PGLYRP2: variants seen among roughly 807,000 people sequenced by gnomAD.
PGLYRP2 encodes N-acetylmuramoyl-L-alanine amidase.
A neutral mutation model predicts 46.2 loss-of-function variants in PGLYRP2; 38 were observed. That is an observed-to-expected ratio of 0.82 (90% CI 0.64 to 1.08). PGLYRP2 has a LOEUF of 1.08. Among genes scored for constraint, PGLYRP2 ranks in the 50% least tolerant of loss-of-function variants. PGLYRP2 has a pLI of 0.00. For synonymous variants in PGLYRP2, 289 were observed against 329.4 expected, an observed-to-expected ratio of 0.88 and a Z score of 1.33; for missense variants, 713 against 755.9, an observed-to-expected ratio of 0.94 and a Z score of 0.67.
Position 15,475,664 on chromosome 19 carries a change from C to G in PGLYRP2, c.1006G>C (p.Val336Leu). The change falls in exon 2 of 5, where the codon GTG becomes CTG. Residue 336 changes from valine to leucine, a missense_variant. Val to Leu is a conservative substitution (Grantham distance 32, BLOSUM62 1). Transcript: ENST00000340880. ...LTSASILAQQ[V>L]WGTLVLLQRL... is the part of the protein sequence containing the mutation. ...TGTAGAAGGACAAGGGTTCCCCACA[C>G]CTGCTGGGCCAGGATGGAGGCTGAA... 6.2e-7 allele frequency: 1 copy of G among 1,614,188 alleles called. No individual in the cohort carries two copies. Among genetic ancestry groups the G allele is most frequent in the Non-Finnish European group, 8.5e-7 (1 of 1,180,028 alleles).
chr19:15,474,951 C>T (rs1472144747), intron 2 of PGLYRP2, among the ~76,000 whole-genome samples: 2 of 149,994 alleles, frequency 1.3e-5, no homozygotes, highest in Non-Finnish European at 3.0e-5. Context: ...CGTGCCACTG[C>T]ACTCCAGCCT....
intron 2 of PGLYRP2, among the ~76,000 whole-genome samples, chr19:15,473,017 A>C (rs1018013117): frequency 6.6e-6 from 1 of 152,294 alleles, no homozygotes; most frequent in Admixed American, 6.5e-5. Context: ...CCCAGAAGTA[A>C]AGCTGCACAC....
chr19:15,477,736 A>ATAAAATAAAG (rs1453922007), intron 1 of PGLYRP2, among the ~76,000 whole-genome samples: 2 of 151,412 alleles, frequency 1.3e-5, no homozygotes, highest in African/African-American at 4.8e-5. Context: ...TTAAAATAAA[A>ATAAAATAAAG]TAAAATAAAA....
chr19:15,479,050 A>G (rs560705988), intron 1 of PGLYRP2, among the ~76,000 whole-genome samples: 1 of 151,978 alleles, frequency 6.6e-6, no homozygotes, highest in Non-Finnish European at 1.5e-5. Context: ...CCCCCAAATC[A>G]TTTCTCTTTC....
In PGLYRP2 at chr19:15,476,543, C is replaced by A. The variant is rs764621893; in HGVS notation, c.127G>T (p.Ala43Ser). Reference protein sequence around the residue: ...ALAELEQKVPAAKTRHTASAW... With the variant: ...ALAELEQKVPSAKTRHTASAW... ...GAAGCTGTGTGTCTGGTCTTGGCAG[C>A]TGGCACTTTCTGCTCCAGCTCAGCC... Residue 43 changes from alanine (A) to serine (S), a missense_variant, in exon 2 of 5, where the codon GCT becomes TCT. Coordinates refer to ENST00000340880, the MANE Select transcript of PGLYRP2 (RefSeq NM_052890.4). The A allele has an allele frequency of 6.2e-7, 1 of 1,613,504 alleles. No homozygotes were observed. Among genetic ancestry groups the A allele is most frequent in the Non-Finnish European group, 8.5e-7 (1 of 1,179,746 alleles).
At chr19:15,472,140 T>C (rs753340337) in intron 2 of PGLYRP2, 40 bp from the exon 3 acceptor site, 2 of 1,526,182 alleles carry the variant, frequency 1.3e-6, no homozygotes, top group South Asian at 2.3e-5. Context: ...CAGGAACTGT[T>C]TCTCTGCCTG....
intron 1 of PGLYRP2, among the ~76,000 whole-genome samples, chr19:15,477,707 TAAA>T (rs1320390111): frequency 0.015 from 1,167 of 76,854 alleles, 12 homozygotes; most frequent in African/African-American, 0.046. Flanking sequence ...TAAAATAAAA[TAAA>T]TAAAATAAAA....
intron 3 of PGLYRP2, among the ~76,000 whole-genome samples, chr19:15,470,359 C>T (rs111682342): frequency 0.032 from 4,781 of 150,318 alleles, 266 homozygotes; most frequent in African/African-American, 0.11. Context: ...TGCAAGGGCG[C>T]GATCTCGGCT....
Position 15,476,352 on chromosome 19 carries a change from C to T in PGLYRP2, c.318G>A (p.Lys106=). Reference sequence around the variant, plus strand: ...CAGGTGCCAGCACCACCCCATATTCCTTCCCTTCTCGTACGTCATGTCGGG... The same window carrying T: ...CAGGTGCCAGCACCACCCCATATTCTTTCCCTTCTCGTACGTCATGTCGGG... ...EVARHDVREG[K]EYGVVLAPDG... The change falls in exon 2 of 5, where the codon AAG becomes AAA. Residue 106 remains lysine (K), a synonymous_variant. Coordinates refer to ENST00000340880, the MANE Select transcript of PGLYRP2 (RefSeq NM_052890.4). The T allele has an allele frequency of 6.2e-7, 1 of 1,614,172 alleles. No homozygotes were observed. The highest frequency in any genetic ancestry group is 8.5e-7 in the Non-Finnish European group (1 of 1,180,020).
intron 2 of PGLYRP2, among the ~76,000 whole-genome samples, chr19:15,474,353 A>C (rs1412052303): frequency 6.6e-6 from 1 of 152,042 alleles, no homozygotes; most frequent in Non-Finnish European, 1.5e-5. Flanking sequence ...AAAACAAAAC[A>C]AAACAAAACA....
rs1970755821 is a variant in PGLYRP2, at chr19:15,472,087, G to C, written c.1146C>G (p.Ile382Met). 1.2e-6 allele frequency: 2 copies of C among 1,602,480 alleles called. No individual in the cohort carries two copies. Among genetic ancestry groups the C allele is most frequent in the Non-Finnish European group, 1.7e-6 (2 of 1,179,590 alleles). Residue 382 changes from isoleucine to methionine, a missense_variant, in exon 3 of 5, where the codon ATC (isoleucine) becomes ATG (methionine). By Grantham distance (10) the Ile-to-Met change is conservative. Coordinates refer to ENST00000340880, the MANE Select transcript of PGLYRP2 (RefSeq NM_052890.4). ...CCGCTCCCCAGCGGCAGCGGGGGTG[G>C]ATGGCCGGGCATCCTACAGGCAAGG... ...FTEAFLGCPA[I>M]HPRCRWGAAP...
At position 15,469,748 on chromosome 19, in the gene PGLYRP2, G is replaced by A; in HGVS notation, c.1525C>T (p.Arg509Cys). The stretch of plus-strand genomic sequence containing the variant: ...TAGTCTGGCCGCAGGAGGCCGGCGC[G>A]CACCGCACAACTCGGGAGCGTGTCG... The part of the protein sequence containing the change: ...VRDTLPSCAV[R>C]AGLLRPDYAL... Residue 509 changes from arginine to cysteine, a missense_variant, in exon 4 of 5, where the codon CGC (arginine) becomes TGC (cysteine). By Grantham distance (180) the Arg-to-Cys change is radical. Transcript: ENST00000340880. The surrounding 1 kb of genome is among the most constrained non-coding windows in gnomAD (Gnocchi z 4.9). The A allele has an allele frequency of 6.7e-7, 1 of 1,491,482 alleles. No individual in the cohort carries two copies. Among genetic ancestry groups the A allele is most frequent in the Non-Finnish European group, 8.9e-7 (1 of 1,127,714 alleles). 92.4% of individuals were successfully genotyped at this position (1,491,482 alleles called of 1,614,324 possible).
rs751473397 is a variant in PGLYRP2, at chr19:15,469,467, C to T, written c.1641+165G>A. 2.1e-5 allele frequency: 21 copies of T among 992,002 alleles called. No homozygotes were observed. Among genetic ancestry groups the T allele is most frequent in the African/African-American group, 6.4e-5 (4 of 62,516 alleles). 61.4% of individuals were successfully genotyped at this position (992,002 alleles called of 1,614,324 possible). ...CAGGGATGTTGCCCGCAGAGTGACC[C>T]GCAAAGGCTGGGCCTAGGTTTCCTG... On this transcript the variant is annotated intron_variant, in intron 4 of 4. Transcript: ENST00000340880. This position sits in a 1 kb window ranked among gnomAD's most constrained non-coding sequence, Gnocchi z 4.9.
intron 2 of PGLYRP2, among the ~76,000 whole-genome samples, chr19:15,473,842 A>G (rs1446456926): frequency 2.5e-4 from 38 of 150,274 alleles, no homozygotes; most frequent in African/African-American, 9.2e-4. Flanking sequence ...AAGAAAGAAA[A>G]AGAAAGAAAG....
At position 15,472,078 on chromosome 19, in the gene PGLYRP2, GC is replaced by G; in HGVS notation, c.1154del (p.Arg385ProfsTer98). Reference protein sequence around the residue: ...AFLGCPAIHPRCRWGAAPYRG... With the variant: ...AFLGCPAIHPXCRWGAAPYRG... ...GATAAGGCGCCGCTCCCCAGCGGCA[GC>G]GGGGGTGGATGGCCGGGCATCCTAC... On this transcript the variant is annotated frameshift_variant, in exon 3 of 5. Coordinates refer to ENST00000340880, the MANE Select transcript of PGLYRP2 (RefSeq NM_052890.4). LOFTEE classifies it high-confidence loss of function. 6.2e-7 allele frequency: 1 copy of G among 1,604,672 alleles called. No homozygotes were observed. Among genetic ancestry groups the G allele is most frequent in the Non-Finnish European group, 8.5e-7 (1 of 1,179,722 alleles).
At chr19:15,478,281 A>G (rs1970815949) in intron 1 of PGLYRP2, among the ~76,000 whole-genome samples, 1 of 152,092 alleles carries the variant, frequency 6.6e-6, no homozygotes, top group South Asian at 2.1e-4. Flanking sequence ...CGGGAGGTGG[A>G]GGTTGCAGTG....
chr19:15,475,683 G>A lies in PGLYRP2; in HGVS notation c.987C>T (p.Ala329=). ...RRQNGAALTS[A]SILAQQVWGT... ...CCCACACCTGCTGGGCCAGGATGGA[G>A]GCTGAAGTCAGAGCAGCACCGTTCT... is the stretch of plus-strand genomic sequence containing the variant. The change falls in exon 2 of 5, where the codon GCC becomes GCT. Residue 329 remains alanine, a synonymous_variant. Transcript: ENST00000340880. The A allele has an allele frequency of 6.2e-7, 1 of 1,614,210 alleles. No individual in the cohort carries two copies. Among genetic ancestry groups the A allele is most frequent in the Non-Finnish European group, 8.5e-7 (1 of 1,180,038 alleles).
chr19:15,478,635 T>TG (rs1970819038), intron 1 of PGLYRP2, among the ~76,000 whole-genome samples: 1 of 150,860 alleles, frequency 6.6e-6, no homozygotes, highest in South Asian at 2.1e-4. Context: ...CCTTTGTTTT[T>TG]TTTTTTTTTT....
At chr19:15,471,769 T>A in intron 3 of PGLYRP2, 121 bp downstream of exon 3, 1 of 1,162,312 alleles carries the variant, frequency 8.6e-7, no homozygotes, top group Non-Finnish European at 1.2e-6. Context: ...CTATCAGGAC[T>A]CCTCCTTGGT....
Sources: gnomAD v4.1 joint callset for allele counts (sites outside exome capture counted in the v4.1 genomes callset) on GRCh38, gnomAD v4.1.1 for gene constraint, Gnocchi (gnomAD v3.1) non-coding constraint, MANE v1.5 for transcripts, NCBI Gene and HGNC (gene_info 2026-07-23, HGNC 2026-07-21) for gene names.